Variants in TULP4 observed in about 807,000 individuals in gnomAD.
TULP4 encodes TUB like protein 4.
A neutral mutation model predicts 129.0 loss-of-function variants in TULP4; 16 were observed. The observed-to-expected ratio is 0.12, with a 90% CI of 0.08 to 0.19. The LOEUF (loss-of-function observed/expected upper bound fraction) is 0.19. Ranked by LOEUF, TULP4 falls within the 10% of genes least tolerant of loss-of-function variation. The pLI is 1.00. For missense variants in TULP4, 1,842 were observed against 2,059.1 expected, an observed-to-expected ratio of 0.89 and a Z score of 2.04; for synonymous variants, 998 against 854.0, an observed-to-expected ratio of 1.17 and a Z score of -2.94.
chr6:158,329,475 AAAG>A lies in TULP4; in HGVS notation c.252+15213_252+15215del, dbSNP rs1286252423. ...TCAGAACCTTAACATTAAAAAAAAA[AAAG>A]AAGAATAACCTCGAAAGCACCATCC... On this transcript the variant is annotated intron_variant, in intron 1 of 13. Transcript: ENST00000367097. 7.7e-4 allele frequency among the ~76,000 whole-genome samples: 117 copies of A among 151,646 alleles called. 2 individuals are homozygous for A. Among genetic ancestry groups the A allele is most frequent in the African/African-American group, 2.6e-3 (107 of 41,364 alleles).
intron 1 of TULP4, among the ~76,000 whole-genome samples, chr6:158,314,847 A>G (rs1779452990): frequency 6.6e-6 from 1 of 152,252 alleles, no homozygotes; most frequent in Admixed American, 6.5e-5. Flanking sequence ...TGAGGCTATT[A>G]TGCCATATAT....
intron 2 of TULP4, among the ~76,000 whole-genome samples, chr6:158,414,226 G>A (rs1203118764): frequency 6.6e-6 from 1 of 152,212 alleles, no homozygotes; most frequent in East Asian, 1.9e-4. Context: ...GACTGATAAG[G>A]CCTTACCAGT....
intron 1 of TULP4, among the ~76,000 whole-genome samples, chr6:158,246,446 C>T (rs1264984325): frequency 1.0e-4 from 15 of 150,668 alleles, no homozygotes; most frequent in Admixed American, 8.6e-4. Context: ...GAGCTGAGAT[C>T]GCACCACTGC....
At chr6:158,277,336 G>A (rs1218482934), upstream of TULP4, among the ~76,000 whole-genome samples, 1 of 152,174 alleles carries the variant, frequency 6.6e-6, no homozygotes, top group Non-Finnish European at 1.5e-5. Context: ...AGATTTCTTT[G>A]TAGCTATTAA....
At chr6:158,444,084 G>A (rs550181181) in intron 3 of TULP4, among the ~76,000 whole-genome samples, 155 of 151,866 alleles carry the variant, frequency 1.0e-3, no homozygotes, top group African/African-American at 3.6e-3. Context: ...GCCTGGCGTG[G>A]TGGCGCAAGC....
chr6:158,341,299 A>G (rs1306581893), intron 1 of TULP4, among the ~76,000 whole-genome samples: 2 of 152,150 alleles, frequency 1.3e-5, no homozygotes, highest in East Asian at 1.9e-4. Context: ...TAATATTCCC[A>G]TGTGTGTATA....
chr6:158,422,233 A>G (rs994295157), intron 2 of TULP4, among the ~76,000 whole-genome samples: 1 of 152,206 alleles, frequency 6.6e-6, no homozygotes, highest in Non-Finnish European at 1.5e-5. Context: ...TGTCTTGCAA[A>G]ACTGATCAAG....
intron 1 of TULP4, among the ~76,000 whole-genome samples, chr6:158,349,368 G>T (rs1213071028): frequency 6.9e-6 from 1 of 145,608 alleles, no homozygotes; most frequent in Non-Finnish European, 1.5e-5. Flanking sequence ...AGATGGGGCG[G>T]CCGGGCAGAG....
At chr6:158,266,266 CT>C (rs1778442990) in intron 1 of TULP4, among the ~76,000 whole-genome samples, 1 of 152,038 alleles carries the variant, frequency 6.6e-6, no homozygotes, top group Non-Finnish European at 1.5e-5. Flanking sequence ...ATAAAATTTA[CT>C]TTTTTTATGG....
intron 3 of TULP4, among the ~76,000 whole-genome samples, chr6:158,443,987 G>GGCA (rs1562568319): frequency 6.6e-6 from 1 of 151,964 alleles, no homozygotes; most frequent in Admixed American, 6.6e-5. Context: ...TGGGGGGCCA[G>GGCA]GGTGGGCGGA....
chr6:158,332,165 C>G (rs1779911510), intron 1 of TULP4, among the ~76,000 whole-genome samples: 1 of 65,554 alleles, frequency 1.5e-5, no homozygotes, highest in African/African-American at 5.8e-5. Context: ...GAGTAAGACT[C>G]TGTCAAAAAA....
At chr6:158,242,849 A>G (rs1194930620) in intron 1 of TULP4, 4 of 212,428 alleles carry the variant, frequency 1.9e-5, no homozygotes, top group Non-Finnish European at 3.8e-5. Context: ...CAGTGGCGCA[A>G]TCTTGGCTCA....
At chr6:158,420,120 A>G (rs1583856008) in intron 2 of TULP4, among the ~76,000 whole-genome samples, 1 of 152,252 alleles carries the variant, frequency 6.6e-6, no homozygotes, top group East Asian at 1.9e-4. Context: ...AGGATATTAT[A>G]TAGGTATCAT....
chr6:158,481,375 C>A, intron 8 of TULP4, 86 bp downstream of exon 8: 1 of 1,262,554 alleles, frequency 7.9e-7, no homozygotes, highest in Non-Finnish European at 1.1e-6. Context: ...AAGAGAATGT[C>A]TGCTAATGAA....
chr6:158,468,923 A>G lies in TULP4; in HGVS notation c.1026+7194A>G, dbSNP rs567043283. Reference sequence around the variant, plus strand: ...CCATCGTGAGGGTGGAGGCCTTATGACTTAATCACTTCCCAAAGGCCCCAC... The same window carrying G: ...CCATCGTGAGGGTGGAGGCCTTATGGCTTAATCACTTCCCAAAGGCCCCAC... On this transcript the variant is annotated intron_variant, in intron 6 of 13. Coordinates refer to ENST00000367097, the MANE Select transcript of TULP4 (RefSeq NM_020245.5). Among the ~76,000 whole-genome samples the G allele has an allele frequency of 3.3e-5, 5 of 152,320 alleles. No individual in the cohort carries two copies. In the East Asian group the frequency reaches 9.6e-4, roughly 29 times the overall value.
rs149951050 is a variant in TULP4 at position 158,370,076 on chromosome 6, G to A, written c.253-42989G>A. On this transcript the variant is annotated intron_variant, in intron 1 of 13. Coordinates refer to ENST00000367097, the MANE Select transcript of TULP4 (RefSeq NM_020245.5). ...AACTAGCTGGGCATAGCTGGGCATC[G>A]TGGCGCATGCCAGTGGTCCTGGCTA... 1.9e-3 allele frequency among the ~76,000 whole-genome samples: 290 copies of A among 152,102 alleles called. 2 individuals carry two copies. The highest frequency in any genetic ancestry group is 6.0e-3 in the African/African-American group (247 of 41,472).
In TULP4 at chr6:158,444,822, A is replaced by G. The variant is rs1237337181; in HGVS notation, c.544-4174A>G. On this transcript the variant is annotated intron_variant, in intron 3 of 13. Coordinates refer to ENST00000367097, the MANE Select transcript of TULP4 (RefSeq NM_020245.5). Reference sequence around the variant, plus strand: ...ATCATTATTGCATTGCTTTGTGTGTATGTGTGTGTGTCAGAGTCTCGCTCA... The same window carrying G: ...ATCATTATTGCATTGCTTTGTGTGTGTGTGTGTGTGTCAGAGTCTCGCTCA... 5.3e-5 allele frequency among the ~76,000 whole-genome samples: 8 copies of G among 152,030 alleles called. No homozygotes were observed. In the South Asian group the frequency reaches 1.5e-3, roughly 28 times the overall value.
At chr6:158,283,867 C>T (rs1199057340) in intron 1 of TULP4, among the ~76,000 whole-genome samples, 1 of 152,074 alleles carries the variant, frequency 6.6e-6, no homozygotes, top group Admixed American at 6.6e-5. Flanking sequence ...TCTGGGAGTC[C>T]CCTGGGGTGT....
intron 1 of TULP4, among the ~76,000 whole-genome samples, chr6:158,412,417 G>A (rs1409634144): frequency 6.6e-6 from 1 of 152,136 alleles, no homozygotes; most frequent in Non-Finnish European, 1.5e-5. Flanking sequence ...ACCTAGCCGA[G>A]TTGCTACCTT....
Sources: gnomAD v4.1 joint callset for allele counts (sites outside exome capture counted in the v4.1 genomes callset) on GRCh38, gnomAD v4.1.1 for gene constraint, MANE v1.5 for transcripts, NCBI Gene and HGNC (gene_info 2026-07-23, HGNC 2026-07-21) for gene names.